The following ACBD3 variants were observed in gnomAD, a reference collection of about 807,000 sequenced individuals.
The protein encoded by ACBD3 is Golgi resident protein GCP60.
Under a neutral mutation model 66.9 loss-of-function variants are expected in ACBD3, and 30 were observed. The observed-to-expected ratio is 0.45, with a 90% CI of 0.34 to 0.61. The LOEUF (loss-of-function observed/expected upper bound fraction) is 0.61. ACBD3 is among the 20% of genes least tolerant of loss of function. The probability of loss-of-function intolerance (pLI) is 0.02; values close to 1 mark genes in which losing one functional copy is unlikely to be tolerated. For synonymous variants in ACBD3, 278 were observed against 259.8 expected, an observed-to-expected ratio of 1.07 and a Z score of -0.68; for missense variants, 544 against 664.5, an observed-to-expected ratio of 0.82 and a Z score of 1.99.
chr1:226,169,012 G>A (rs548497277), intron 1 of ACBD3, among the ~76,000 whole-genome samples: 31 of 151,924 alleles, frequency 2.0e-4, no homozygotes, highest in Non-Finnish European at 2.2e-4. Context: ...ACAGGTGTGC[G>A]CCACCATACC....
chr1:226,177,041 C>T (rs1414959872), intron 1 of ACBD3, among the ~76,000 whole-genome samples: 1 of 152,092 alleles, frequency 6.6e-6, no homozygotes, highest in African/African-American at 2.4e-5. Flanking sequence ...TTACATTCAG[C>T]CGTGAGTAAC....
Position 226,186,505 on chromosome 1 carries a change from C to G in ACBD3, c.171G>C (p.Gln57His). 1 of 1,468,990 alleles carries G rather than the reference C, an allele frequency of 6.8e-7. No homozygotes were observed. Among genetic ancestry groups the G allele is most frequent in the Non-Finnish European group, 9.0e-7 (1 of 1,113,682 alleles). 91.0% of individuals were successfully genotyped at this position (1,468,990 alleles called of 1,614,324 possible). ...CAGCCGCCGCCTCCCCGGGCTCGGG[C>G]TGCTCCCCTGAGGCGCCCGGGCCGC... is the stretch of plus-strand genomic sequence containing the variant. ...SGRGPGASGE[Q>H]PEPGEAAAGG... Residue 57 changes from glutamine to histidine, a missense_variant, in exon 1 of 8, where the codon CAG (glutamine) becomes CAC (histidine). Physicochemically the swap from Gln to His is conservative, Grantham distance 24. Coordinates refer to ENST00000366812, the MANE Select transcript of ACBD3 (RefSeq NM_022735.4).
intron 5 of ACBD3, among the ~76,000 whole-genome samples, chr1:226,158,375 C>T (rs1330814672): frequency 1.3e-5 from 2 of 152,236 alleles, no homozygotes; most frequent in African/African-American, 4.8e-5. Flanking sequence ...TATGCCTGCA[C>T]AAGATGTAAA....
At chr1:226,180,102 C>T (rs1486087459) in intron 1 of ACBD3, among the ~76,000 whole-genome samples, 3 of 146,802 alleles carry the variant, frequency 2.0e-5, no homozygotes, top group Non-Finnish European at 4.5e-5. Flanking sequence ...ACCTAGGAGG[C>T]GGAGGTTGCA....
intron 7 of ACBD3, among the ~76,000 whole-genome samples, chr1:226,149,697 C>T (rs191534635): frequency 9.9e-5 from 15 of 151,264 alleles, no homozygotes; most frequent in Admixed American, 2.6e-4. Flanking sequence ...CACACCATCA[C>T]ACCCAGCTAG....
rs572886046 is a variant in ACBD3 at position 226,163,500 on chromosome 1, T to A, written c.569+1289A>T. Among the ~76,000 whole-genome samples, 85 of 149,096 alleles carry A rather than the reference T, an allele frequency of 5.7e-4. No individual in the cohort carries two copies. The Middle Eastern group carries it at 0.01, about 18-fold the overall frequency. ...AAGAATCAAAACCTTTCCTTTAGAT[T>A]AAAAAAAAAAATTTCTTTGGATAAA... On this transcript the variant is annotated intron_variant, in intron 3 of 7. Transcript: ENST00000366812.
At position 226,152,372 on chromosome 1, in the gene ACBD3, A is replaced by G. The variant is rs765593788; in HGVS notation, c.1338T>C (p.His446=). The G allele has an allele frequency of 2.3e-5, 37 of 1,614,078 alleles. 2 individuals carry two copies. The South Asian group carries it at 4.1e-4, about 18-fold the overall frequency. The stretch of plus-strand genomic sequence containing the variant: ...CGTCGTCATCGCTGGACTCACTGAC[A>G]TGCACGCTGACAGCAGTGTTTGGAG... ...TDSPNTAVSV[H]VSESSDDDEE... Residue 446 remains histidine, a synonymous_variant, in exon 7 of 8, where the codon CAT becomes CAC. Transcript: ENST00000366812.
At position 226,186,548 on chromosome 1, in the gene ACBD3, G is replaced by A. The variant is rs1272781149; in HGVS notation, c.128C>T (p.Ser43Leu). Residue 43 changes from serine to leucine, a missense_variant, in exon 1 of 8, where the codon TCG (serine) becomes TTG (leucine). This residue lies in a region of ACBD3 where 137 missense variants were observed against 145.9 expected (regional missense o/e 0.94). Transcript: ENST00000366812. Reference protein sequence around the residue: ...PLLPPPLPPPSPPGSGRGPGA... With the variant: ...PLLPPPLPPPLPPGSGRGPGA... ...CGGGCCGCGACCGGATCCAGGTGGC[G>A]AGGGCGGTGGCAGCGGTGGCGGCAG... 2.2e-6 allele frequency: 3 copies of A among 1,365,360 alleles called. No individual in the cohort carries two copies. The highest frequency in any genetic ancestry group is 2.8e-6 in the Non-Finnish European group (3 of 1,064,458). 84.6% of individuals were successfully genotyped at this position (1,365,360 alleles called of 1,614,324 possible). A position where few individuals can be genotyped will look rare whatever the true frequency, so the allele number is the denominator to read the frequency against.
At chr1:226,177,462 C>A (rs191610326) in intron 1 of ACBD3, among the ~76,000 whole-genome samples, 12 of 151,766 alleles carry the variant, frequency 7.9e-5, no homozygotes, top group Admixed American at 2.6e-4. Flanking sequence ...TCCCAGAGTG[C>A]TGGGATTACA....
intron 7 of ACBD3, among the ~76,000 whole-genome samples, chr1:226,151,763 T>C (rs1055319164): frequency 2.0e-5 from 3 of 152,196 alleles, no homozygotes; most frequent in African/African-American, 7.2e-5. Context: ...ATCCCAGCAC[T>C]TTGGGAGGCC....
At position 226,161,589 on chromosome 1, in the gene ACBD3, G is replaced by C. The variant is rs750618003; in HGVS notation, c.670C>G (p.Arg224Gly). 2 of 1,613,530 alleles carry C rather than the reference G, an allele frequency of 1.2e-6. No homozygotes were observed. Residue 224 changes from arginine to glycine, a missense_variant, in exon 4 of 8, where the codon CGG (arginine) becomes GGG (glycine). Transcript: ENST00000366812. Reference protein sequence around the residue: ...RRREEEERLRREEEERRRIEE... With the variant: ...RRREEEERLRGEEEERRRIEE... ...ATCCGTCTCCTTTCCTCTTCCTCCC[G>C]TCGAAGCCTTTCCTCTTCTTCTCTC...
chr1:226,163,234 C>T (rs1659803830), intron 3 of ACBD3, among the ~76,000 whole-genome samples: 1 of 152,148 alleles, frequency 6.6e-6, no homozygotes, highest in Non-Finnish European at 1.5e-5. Context: ...TCTATGTGGA[C>T]TTTATCCCAT....
At chr1:226,158,492 G>C (rs549621819) in intron 5 of ACBD3, among the ~76,000 whole-genome samples, 144 of 152,274 alleles carry the variant, frequency 9.5e-4, no homozygotes, top group African/African-American at 3.3e-3. Context: ...CAGGACAGGT[G>C]CTTTGATTTT....
In ACBD3 at chr1:226,150,311, G is replaced by A. The variant is rs866250567; in HGVS notation, c.1375+2024C>T. 2.6e-5 allele frequency among the ~76,000 whole-genome samples: 4 copies of A among 152,042 alleles called. No individual in the cohort carries two copies. In the South Asian group the frequency reaches 8.3e-4, roughly 32 times the overall value. ...TGGTCTTAAACTTCTGGCCTCAAGAGATCTTCCTTACTTGGCCTCCCCAAA... is the reference window on the plus strand; with the variant it reads ...TGGTCTTAAACTTCTGGCCTCAAGAAATCTTCCTTACTTGGCCTCCCCAAA... On this transcript the variant is annotated intron_variant, in intron 7 of 7. Transcript: ENST00000366812.
At chr1:226,158,570 A>C (rs1659717471) in intron 5 of ACBD3, among the ~76,000 whole-genome samples, 1 of 152,232 alleles carries the variant, frequency 6.6e-6, no homozygotes, top group South Asian at 2.1e-4. Flanking sequence ...GTCTGAGATC[A>C]AACAAGGTAA....
At chr1:226,168,916 T>C (rs1228396670) in intron 1 of ACBD3, among the ~76,000 whole-genome samples, 8 of 152,188 alleles carry the variant, frequency 5.3e-5, no homozygotes, top group Non-Finnish European at 8.8e-5. Flanking sequence ...TGGAGTGCAG[T>C]GAGTGGCACA....
intron 1 of ACBD3, among the ~76,000 whole-genome samples, chr1:226,172,313 T>C (rs1188390945): frequency 6.6e-6 from 1 of 152,130 alleles, no homozygotes; most frequent in Non-Finnish European, 1.5e-5. Context: ...AAATTGACTT[T>C]ATGGGTCAAC....
At chr1:226,156,869 C>T (rs1659683275) in intron 5 of ACBD3, among the ~76,000 whole-genome samples, 1 of 152,152 alleles carries the variant, frequency 6.6e-6, no homozygotes, top group Admixed American at 6.5e-5. Flanking sequence ...AGGCCCAGCT[C>T]AAATGGTCCC....
chr1:226,165,921 G>A lies in ACBD3; in HGVS notation c.366C>T (p.Gly122=). The A allele has an allele frequency of 6.2e-7, 1 of 1,613,498 alleles. No individual in the cohort carries two copies. The highest frequency in any genetic ancestry group is 8.5e-7 in the Non-Finnish European group (1 of 1,179,808). ...LVALHKQVLM[G]PYNPDTCPEV... ...CAGGACAAGTGTCTGGATTATATGG[G>A]CCCATAAGAACTTGCTTATGCAGTG... The change falls in exon 2 of 8, where the codon GGC becomes GGT. Residue 122 remains glycine, a synonymous_variant. Transcript: ENST00000366812.
Sources: gnomAD v4.1 joint callset for allele counts (sites outside exome capture counted in the v4.1 genomes callset) on GRCh38, gnomAD v4.1.1 for gene constraint, gnomAD v4.1.1 regional missense constraint, MANE v1.5 for transcripts, NCBI Gene and HGNC (gene_info 2026-07-23, HGNC 2026-07-21) for gene names.